SNX29: variants seen among roughly 807,000 people sequenced by gnomAD.
SNX29 encodes sorting nexin-29.
Under a neutral mutation model 102.1 loss-of-function variants are expected in SNX29, and 78 were observed. The ratio of observed to expected loss-of-function variants is 0.76; its 90% CI spans 0.64 to 0.92. The LOEUF is 0.92. Ranked by LOEUF, SNX29 falls within the 40% of genes least tolerant of loss-of-function variation. The pLI, the probability that SNX29 is intolerant of heterozygous loss-of-function variation, is 0.00. For missense variants in SNX29, 1,280 were observed against 1,061.7 expected, an observed-to-expected ratio of 1.21 and a Z score of -2.86; for synonymous variants, 580 against 414.5, an observed-to-expected ratio of 1.40 and a Z score of -4.85.
At chr16:12,517,708 G>A (rs1376452046) in intron 19 of SNX29, among the ~76,000 whole-genome samples, 2 of 152,196 alleles carry the variant, frequency 1.3e-5, no homozygotes, top group Non-Finnish European at 2.9e-5. Context: ...ATCTAGCAAG[G>A]GAGGTGGGGG....
intron 13 of SNX29, among the ~76,000 whole-genome samples, chr16:12,152,093 C>T (rs181550552): frequency 4.7e-4 from 72 of 152,172 alleles, no homozygotes; most frequent in Middle Eastern, 6.8e-3. Context: ...TGGTGGTATG[C>T]GCCTGTAGTC....
intron 20 of SNX29, among the ~76,000 whole-genome samples, chr16:12,552,297 C>T (rs927850930): frequency 1.3e-5 from 2 of 152,168 alleles, no homozygotes; most frequent in East Asian, 3.8e-4. Context: ...GCCTCAGTTT[C>T]CTCTTCTAGA....
At chr16:12,565,468 A>G (rs12708750) in intron 20 of SNX29, among the ~76,000 whole-genome samples, 39,574 of 151,892 alleles carry the variant, frequency 0.26, 5,720 homozygotes, top group East Asian at 0.43. Flanking sequence ...GGGTTCTCTC[A>G]AACCATCACA....
intron 15 of SNX29, among the ~76,000 whole-genome samples, chr16:12,330,486 C>G (rs1004139236): frequency 6.6e-6 from 1 of 152,314 alleles, no homozygotes. Flanking sequence ...AACACTCACG[C>G]AATGCATCTG....
intron 15 of SNX29, among the ~76,000 whole-genome samples, chr16:12,321,486 A>T (rs921353970): frequency 1.3e-5 from 2 of 152,230 alleles, no homozygotes; most frequent in African/African-American, 4.8e-5. Context: ...ATATGACGTC[A>T]TCTGTCATAG....
chr16:12,541,836 T>G (rs2077356488), intron 20 of SNX29, among the ~76,000 whole-genome samples: 1 of 152,044 alleles, frequency 6.6e-6, no homozygotes, highest in Admixed American at 6.6e-5. Context: ...TCCCCTCTTC[T>G]CCCAGCTTTG....
chr16:12,460,486 C>A (rs914133053), intron 18 of SNX29, among the ~76,000 whole-genome samples: 5 of 152,154 alleles, frequency 3.3e-5, no homozygotes, highest in Non-Finnish European at 7.4e-5. Context: ...CCTCCTCCCC[C>A]TGGCCAGCTC....
chr16:12,503,079 A>G (rs2089201039), intron 19 of SNX29, among the ~76,000 whole-genome samples: 1 of 152,128 alleles, frequency 6.6e-6, no homozygotes, highest in African/African-American at 2.4e-5. Flanking sequence ...GCTTCATTAC[A>G]GCCACAGGGA....
At chr16:12,566,190 C>T (rs541644242) in intron 20 of SNX29, among the ~76,000 whole-genome samples, 5 of 152,236 alleles carry the variant, frequency 3.3e-5, no homozygotes, top group East Asian at 3.9e-4. Context: ...CCCTTGAATC[C>T]TTACCACCAC....
chr16:12,157,843 A>T (rs569070080), intron 13 of SNX29, among the ~76,000 whole-genome samples: 6 of 152,094 alleles, frequency 3.9e-5, no homozygotes, highest in African/African-American at 1.4e-4. Context: ...GGGCCTTTGC[A>T]TGTGCTTGTC....
Position 12,308,598 on chromosome 16 carries a change from C to T in SNX29, c.1782+30562C>T, listed in dbSNP as rs150043910. On this transcript the variant is annotated intron_variant, in intron 15 of 20. Transcript: ENST00000566228. ...GCCTTCCGTGTGCTAGTCACGGCTTCGAGTGCCAGGGATAAACAGGAAACA... is the reference window on the plus strand; with the variant it reads ...GCCTTCCGTGTGCTAGTCACGGCTTTGAGTGCCAGGGATAAACAGGAAACA... Among the ~76,000 whole-genome samples, 8 of 152,220 alleles carry T rather than the reference C, an allele frequency of 5.3e-5. No individual in the cohort carries two copies. In the East Asian group the frequency reaches 1.2e-3, roughly 22 times the overall value.
At chr16:12,563,733 C>T (rs550527009) in intron 20 of SNX29, among the ~76,000 whole-genome samples, 2 of 152,368 alleles carry the variant, frequency 1.3e-5, no homozygotes, top group South Asian at 2.1e-4. Flanking sequence ...ATGGCACTGT[C>T]ATTCTTTACC....
At position 12,287,768 on chromosome 16, in the gene SNX29, A is replaced by C. The variant is rs1371726876; in HGVS notation, c.1782+9732A>C. Among the ~76,000 whole-genome samples, 3 of 152,146 alleles carry C rather than the reference A, an allele frequency of 2.0e-5. No homozygotes were observed. In the East Asian group the frequency reaches 5.8e-4, roughly 29 times the overall value. On this transcript the variant is annotated intron_variant, in intron 15 of 20. Coordinates refer to ENST00000566228, the MANE Select transcript of SNX29 (RefSeq NM_032167.5). ...GTCCCCACCTCGTGATTGGTGATGG[A>C]TCTCTTCAGTGTCTTTTAATCCATA...
chr16:12,495,125 C>T lies in SNX29; in HGVS notation c.2178+17266C>T, dbSNP rs148198027. ...ATCCCTCACCCTTCCTGGTTTTCTC[C>T]TCTGGCAGGTCTCAATGGCAATTCT... On this transcript the variant is annotated intron_variant, in intron 19 of 20. Transcript: ENST00000566228. Among the ~76,000 whole-genome samples the T allele has an allele frequency of 3.5e-3, 537 of 152,282 alleles. 3 individuals carry two copies. Among genetic ancestry groups the T allele is most frequent in the African/African-American group, 0.012 (493 of 41,556 alleles).
At chr16:12,551,465 C>T (rs575277027) in intron 20 of SNX29, among the ~76,000 whole-genome samples, 14 of 152,280 alleles carry the variant, frequency 9.2e-5, no homozygotes, top group African/African-American at 3.4e-4. Flanking sequence ...ATACAGAGGC[C>T]AGGCCCTGCC....
chr16:12,297,139 G>T (rs1362932707), intron 15 of SNX29: 1 of 152,372 alleles, frequency 6.6e-6, no homozygotes, highest in East Asian at 1.9e-4. Flanking sequence ...GTTAGGGGTC[G>T]GAGGCTGGAG....
intron 20 of SNX29, among the ~76,000 whole-genome samples, chr16:12,563,904 C>G (rs566294714): frequency 6.6e-6 from 1 of 152,216 alleles, no homozygotes; most frequent in Non-Finnish European, 1.5e-5. Context: ...GTCTCTGGAG[C>G]AGGCAGCCGA....
chr16:12,104,133 G>A (rs1005655304), intron 11 of SNX29, among the ~76,000 whole-genome samples: 3 of 152,244 alleles, frequency 2.0e-5, no homozygotes, highest in Non-Finnish European at 4.4e-5. Context: ...CCATCTGGCA[G>A]TTGTGTGTGT....
At chr16:12,075,057 T>A (rs1239504821) in intron 10 of SNX29, among the ~76,000 whole-genome samples, 1 of 152,206 alleles carries the variant, frequency 6.6e-6, no homozygotes, top group African/African-American at 2.4e-5. Flanking sequence ...ATTCTAGTTA[T>A]ACATTCGTCT....
Sources: allele counts gnomAD v4.1 joint callset (sites outside exome capture counted in the v4.1 genomes callset), GRCh38; gene constraint gnomAD v4.1.1; transcripts MANE v1.5; gene names NCBI Gene and HGNC (gene_info 2026-07-23, HGNC 2026-07-21).